FUT8: variants seen among roughly 807,000 people sequenced by gnomAD.
FUT8 encodes the protein alpha-(1,6)-fucosyltransferase.
FUT8 carries 29 observed loss-of-function variants against 71.3 expected under a neutral mutation model. That is an observed-to-expected ratio of 0.41 (90% CI 0.30 to 0.55). The LOEUF (loss-of-function observed/expected upper bound fraction) is 0.55. Among genes scored for constraint, FUT8 ranks in the 20% least tolerant of loss-of-function variants. FUT8 has a pLI of 0.34. For synonymous variants in FUT8, 254 were observed against 239.3 expected (o/e 1.06, Z -0.57); for missense variants, 544 against 702.1 (o/e 0.77, Z 2.55).
In FUT8 at chr14:65,742,298, A is replaced by G. The variant is rs761011052; in HGVS notation, c.1616A>G (p.Tyr539Cys). The change falls in exon 11 of 11, where the codon TAT becomes TGT. Residue 539 changes from tyrosine to cysteine, a missense_variant. Tyr to Cys is a radical substitution (Grantham distance 194). Coordinates refer to ENST00000673929, the MANE Select transcript of FUT8 (RefSeq NM_001371533.1). ...IGVAGNHWDGYSKGVNRKLGR... is the reference protein window; with the variant it reads ...IGVAGNHWDGCSKGVNRKLGR... Reference sequence around the variant, plus strand: ...GTGGCTGGAAATCATTGGGATGGCTATTCTAAAGGTGTCAACAGGAAATTG... The same window carrying G: ...GTGGCTGGAAATCATTGGGATGGCTGTTCTAAAGGTGTCAACAGGAAATTG... The G allele has an allele frequency of 6.2e-7, 1 of 1,613,044 alleles. No homozygotes were observed. Among genetic ancestry groups the G allele is most frequent in the Non-Finnish European group, 8.5e-7 (1 of 1,179,328 alleles).
At position 65,660,581 on chromosome 14, in the gene FUT8, A is replaced by C. The variant is rs553922840; in HGVS notation, c.598-8662A>C. ...CATAGGGAAATTGATTTCCTGAAGC[A>C]CTTGGTAAACTACTTGGGCCTGAGC... On this transcript the variant is annotated intron_variant, in intron 6 of 10. Transcript: ENST00000673929. This position sits in a 1 kb window ranked among gnomAD's most constrained non-coding sequence, Gnocchi z 4.1. 6.6e-6 allele frequency among the ~76,000 whole-genome samples: 1 copy of C among 152,282 alleles called. No individual in the cohort carries two copies. Among genetic ancestry groups the C allele is most frequent in the Admixed American group, 6.5e-5 (1 of 15,292 alleles).
the FUT8 span, among the ~76,000 whole-genome samples, chr14:65,370,344 A>G: frequency 1.7e-3 from 255 of 150,994 alleles, 2 homozygotes; most frequent in African/African-American, 6.1e-3. Context: ...AGTAGCTGGG[A>G]CTACAGGTGC....
intron 1 of FUT8, among the ~76,000 whole-genome samples, chr14:65,439,954 G>GTGTGTGTGTATATA: frequency 3.6e-4 from 27 of 74,966 alleles, no homozygotes; most frequent in South Asian, 1.8e-3. Context: ...GTGTGTGTGT[G>GTGTGTGTGTATATA]TATATATATA....
At chr14:65,557,644 AAAAAAAAAAAAAGTGAT>A (rs1302491116) in intron 2 of FUT8, among the ~76,000 whole-genome samples, 5 of 57,102 alleles carry the variant, frequency 8.8e-5, no homozygotes, top group African/African-American at 1.8e-4. Context: ...TTTGTCTCTT[AAAAAAAAAAAAAGTGAT>A]ATCACTAATT....
At chr14:65,379,437 G>A in the FUT8 span, among the ~76,000 whole-genome samples, 116 of 152,244 alleles carry the variant, frequency 7.6e-4, no homozygotes, top group Middle Eastern at 0.02. Context: ...GGCTGAGGCA[G>A]GAGAATCGCT....
intron 10 of FUT8, among the ~76,000 whole-genome samples, chr14:65,736,177 A>G (rs1326469541): frequency 6.6e-6 from 1 of 152,114 alleles, no homozygotes; most frequent in African/African-American, 2.4e-5. Context: ...TACCTATAGT[A>G]TAGAGTCTTT....
At chr14:65,373,027 G>T in the FUT8 span, among the ~76,000 whole-genome samples, 1 of 152,022 alleles carries the variant, frequency 6.6e-6, no homozygotes, top group African/African-American at 2.4e-5. Flanking sequence ...TTGAATTTCA[G>T]ATAAGTAATA....
Position 65,505,413 on chromosome 14 carries a change from C to T in FUT8, c.-228+49695C>T, listed in dbSNP as rs556878564. Reference sequence around the variant, plus strand: ...CTGCAAGCTCCTCCTCCCAGGTTCACGCCATTCTCCTGCCTCAGCCTCCCA... The same window carrying T: ...CTGCAAGCTCCTCCTCCCAGGTTCATGCCATTCTCCTGCCTCAGCCTCCCA... On this transcript the variant is annotated intron_variant, in intron 2 of 10. Coordinates refer to ENST00000673929, the MANE Select transcript of FUT8 (RefSeq NM_001371533.1). Among the ~76,000 whole-genome samples, 11 of 149,114 alleles carry T rather than the reference C, an allele frequency of 7.4e-5. No homozygotes were observed. In the East Asian group the frequency reaches 1.0e-3, roughly 14 times the overall value.
At chr14:65,495,125 A>G (rs1258761858) in intron 2 of FUT8, among the ~76,000 whole-genome samples, 1 of 150,096 alleles carries the variant, frequency 6.7e-6, no homozygotes, top group East Asian at 2.0e-4. Context: ...TTTTTATAGG[A>G]TTTAATATGT....
At chr14:65,519,880 G>A (rs1396987029) in intron 2 of FUT8, among the ~76,000 whole-genome samples, 1 of 152,152 alleles carries the variant, frequency 6.6e-6, no homozygotes, top group Non-Finnish European at 1.5e-5. Flanking sequence ...CTGGGCTCAA[G>A]TGATCCTCCC....
rs369449031 is a variant in FUT8, at chr14:65,707,895, G to T, written c.836-13880G>T. Among the ~76,000 whole-genome samples the T allele has an allele frequency of 1.3e-4, 20 of 152,176 alleles. No homozygotes were observed. In the South Asian group the frequency reaches 2.3e-3, roughly 17 times the overall value. On this transcript the variant is annotated intron_variant, in intron 7 of 10. Coordinates refer to ENST00000673929, the MANE Select transcript of FUT8 (RefSeq NM_001371533.1). ...TAGCTTTATATTTTCAAATCAAGTG[G>T]GTCTGGTGCCTCCAGCTTTGTTCTT...
chr14:65,593,021 G>A (rs183765182), intron 3 of FUT8, among the ~76,000 whole-genome samples: 7 of 152,256 alleles, frequency 4.6e-5, no homozygotes, highest in Admixed American at 4.6e-4. Flanking sequence ...CTGAGATCAT[G>A]TAATGTATCC....
intron 1 of FUT8, among the ~76,000 whole-genome samples, chr14:65,433,715 C>G (rs7157109): frequency 0.69 from 104,815 of 151,974 alleles, 36,451 homozygotes; most frequent in East Asian, 0.9. Flanking sequence ...TAAATCTTCA[C>G]TAGGCAGCTG....
At chr14:65,591,957 TAAAAAA>T (rs1887713036) in intron 3 of FUT8, among the ~76,000 whole-genome samples, 2 of 151,858 alleles carry the variant, frequency 1.3e-5, no homozygotes, top group South Asian at 2.1e-4. Flanking sequence ...TGGTTGTAAC[TAAAAAA>T]CATGTAAACT....
In FUT8 at chr14:65,582,265, A is replaced by G. The variant is rs1172395122; in HGVS notation, c.203+20499A>G. On this transcript the variant is annotated intron_variant, in intron 3 of 10. Transcript: ENST00000673929. ...GATTTCTTCCATTTTAAATTTATATATTTTTTTTCCTGGAAGTGTTATACT... is the reference window on the plus strand; with the variant it reads ...GATTTCTTCCATTTTAAATTTATATGTTTTTTTTCCTGGAAGTGTTATACT... 4.0e-5 allele frequency among the ~76,000 whole-genome samples: 6 copies of G among 151,794 alleles called. No homozygotes were observed. In the East Asian group the frequency reaches 9.6e-4, roughly 24 times the overall value.
At chr14:65,568,059 A>G (rs180871916) in intron 3 of FUT8, among the ~76,000 whole-genome samples, 16 of 151,846 alleles carry the variant, frequency 1.1e-4, no homozygotes, top group Admixed American at 2.6e-4. Context: ...GAAGGAGAAC[A>G]TATGGGAAGA....
intron 3 of FUT8, among the ~76,000 whole-genome samples, chr14:65,606,246 T>G (rs569660755): frequency 2.4e-4 from 36 of 151,240 alleles, no homozygotes; most frequent in Non-Finnish European, 4.7e-4. Context: ...CTAATTTTTT[T>G]TTTTGTATTT....
At chr14:65,524,230 A>G (rs545722541) in intron 2 of FUT8, among the ~76,000 whole-genome samples, 19 of 152,140 alleles carry the variant, frequency 1.2e-4, no homozygotes, top group African/African-American at 4.3e-4. Context: ...CCATTTGTTT[A>G]TGTCCTCTTT....
intron 1 of FUT8, among the ~76,000 whole-genome samples, chr14:65,442,720 C>A (rs948885964): frequency 6.6e-6 from 1 of 151,292 alleles, no homozygotes; most frequent in African/African-American, 2.4e-5. Context: ...CCTGTGATCC[C>A]AGCTACTTGG....
Sources: gnomAD v4.1 joint callset for allele counts (sites outside exome capture counted in the v4.1 genomes callset) on GRCh38, gnomAD v4.1.1 for gene constraint, Gnocchi (gnomAD v3.1) non-coding constraint, MANE v1.5 for transcripts, NCBI Gene and HGNC (gene_info 2026-07-23, HGNC 2026-07-21) for gene names.